The following TJP1 variants were observed in gnomAD, a reference collection of about 807,000 sequenced individuals.
TJP1 encodes the protein tight junction protein 1.
In TJP1, 43 loss-of-function variants were observed where a neutral mutation model predicts 194.2. The ratio of observed to expected loss-of-function variants is 0.22; its 90% CI spans 0.17 to 0.29. The LOEUF is 0.29. TJP1 is among the 10% of genes least tolerant of loss of function. TJP1 has a pLI of 1.00. For synonymous variants in TJP1, 801 were observed against 779.0 expected (o/e 1.03, Z -0.47); for missense variants, 1,971 against 2,185.7 (o/e 0.90, Z 1.96).
At position 29,855,925 on chromosome 15, in the gene TJP1, A is replaced by G. The variant is rs1033867570; in HGVS notation, c.307-55223T>C. 5.3e-5 allele frequency among the ~76,000 whole-genome samples: 8 copies of G among 152,192 alleles called. No homozygotes were observed. In the South Asian group the frequency reaches 8.3e-4, roughly 16 times the overall value. On this transcript the variant is annotated intron_variant, in intron 2 of 28. Coordinates refer to the TJP1 transcript ENST00000356107. ...TGATGACACGGTCTGCTAAATATTA[A>G]AACAGGACATAAAGGTACACTTATT... is the stretch of plus-strand genomic sequence containing the variant.
chr15:29,733,338 T>A, intron 12 of TJP1, 25 bp from the exon 13 acceptor site: 1 of 1,471,642 alleles, frequency 6.8e-7, no homozygotes, highest in Non-Finnish European at 9.4e-7. Flanking sequence ...AACAAACACA[T>A]TATCAATATT....
chr15:29,933,728 C>A (rs1403355), intron 2 of TJP1, among the ~76,000 whole-genome samples: 1 of 151,700 alleles, frequency 6.6e-6, no homozygotes, highest in Non-Finnish European at 1.5e-5. Flanking sequence ...CTTCTCTGGG[C>A]GAGAAGCCCA....
intron 9 of TJP1, among the ~76,000 whole-genome samples, chr15:29,742,224 C>G (rs2044469051): frequency 6.6e-6 from 1 of 151,500 alleles, no homozygotes; most frequent in Admixed American, 6.6e-5. Flanking sequence ...TGCACTCCAG[C>G]TGGGTGACAG....
intron 2 of TJP1, among the ~76,000 whole-genome samples, chr15:29,939,307 T>TG (rs1397171014): frequency 6.6e-6 from 1 of 152,174 alleles, no homozygotes; most frequent in African/African-American, 2.4e-5. Flanking sequence ...CTGTCAGTAC[T>TG]GGGGGCAAAG....
intron 2 of TJP1, among the ~76,000 whole-genome samples, chr15:29,858,887 T>C (rs2051964957): frequency 6.6e-6 from 1 of 152,068 alleles, no homozygotes; most frequent in Non-Finnish European, 1.5e-5. Flanking sequence ...GTTTTTTTGT[T>C]TTGCCATGTT....
chr15:29,922,672 G>A (rs1376007383), intron 2 of TJP1, among the ~76,000 whole-genome samples: 1 of 151,988 alleles, frequency 6.6e-6, no homozygotes, highest in Non-Finnish European at 1.5e-5. Context: ...CATTGAAGGT[G>A]GCATGTTTAA....
At chr15:29,761,821 T>C (rs189395965) in intron 6 of TJP1, 52 bp from the exon 7 acceptor site, 1 of 1,423,448 alleles carries the variant, frequency 7.0e-7, no homozygotes, top group East Asian at 2.4e-5. Context: ...AATACAAATG[T>C]TAACTTAGTT....
chr15:29,914,194 T>C (rs1460877740), intron 2 of TJP1, among the ~76,000 whole-genome samples: 1 of 152,234 alleles, frequency 6.6e-6, no homozygotes. Context: ...TTCGACTCAC[T>C]AGCATGGATT....
intron 2 of TJP1, among the ~76,000 whole-genome samples, chr15:29,867,636 G>A (rs1167371168): frequency 3.3e-5 from 5 of 152,186 alleles, no homozygotes; most frequent in Non-Finnish European, 7.3e-5. Flanking sequence ...GGCTGGGCAT[G>A]GTGGCTCATG....
intron 2 of TJP1, among the ~76,000 whole-genome samples, chr15:29,862,537 G>T (rs373251238): frequency 2.8e-4 from 43 of 152,182 alleles, no homozygotes; most frequent in African/African-American, 9.6e-4. Flanking sequence ...AAGATCTTAA[G>T]TTGAGGCAAA....
intron 2 of TJP1, among the ~76,000 whole-genome samples, chr15:29,916,970 C>A (rs1021389429): frequency 6.6e-6 from 1 of 152,152 alleles, no homozygotes; most frequent in African/African-American, 2.4e-5. Flanking sequence ...ACAGAACCCC[C>A]CCTCCACCAC....
chr15:29,850,949 C>A (rs967677141), intron 2 of TJP1, among the ~76,000 whole-genome samples: 11 of 152,014 alleles, frequency 7.2e-5, no homozygotes, highest in African/African-American at 2.7e-4. Flanking sequence ...ATCAGCCTGG[C>A]CAATATGGTG....
At chr15:29,792,243 C>A (rs967339094) in intron 2 of TJP1, among the ~76,000 whole-genome samples, 1 of 152,140 alleles carries the variant, frequency 6.6e-6, no homozygotes, top group Admixed American at 6.5e-5. Context: ...AGTCTCATAA[C>A]TTCAGGTGCT....
At chr15:29,840,871 C>T (rs183479246) in intron 2 of TJP1, among the ~76,000 whole-genome samples, 160 of 152,194 alleles carry the variant, frequency 1.1e-3, no homozygotes, top group Non-Finnish European at 3.8e-4. Flanking sequence ...AGAGCAAGGG[C>T]TAAGGGTACA....
At chr15:29,850,889 G>C (rs2051617679) in intron 2 of TJP1, among the ~76,000 whole-genome samples, 1 of 152,088 alleles carries the variant, frequency 6.6e-6, no homozygotes, top group Non-Finnish European at 1.5e-5. Flanking sequence ...TGTAATCCTA[G>C]CACTTTGGGA....
intron 2 of TJP1, among the ~76,000 whole-genome samples, chr15:29,893,137 T>C (rs1405083076): frequency 1.3e-5 from 2 of 152,088 alleles, no homozygotes; most frequent in Admixed American, 1.3e-4. Flanking sequence ...AATAGTTCAG[T>C]GGAGGAAGTA....
chr15:29,749,786 T>A (rs2045127148), intron 8 of TJP1, among the ~76,000 whole-genome samples: 1 of 152,172 alleles, frequency 6.6e-6, no homozygotes, highest in Admixed American at 6.5e-5. Context: ...GGGAGCCTCT[T>A]CCTTTGGCAC....
At chr15:29,876,508 G>A (rs953441088) in intron 2 of TJP1, among the ~76,000 whole-genome samples, 10 of 150,150 alleles carry the variant, frequency 6.7e-5, no homozygotes, top group Non-Finnish European at 1.2e-4. Context: ...GCAACAGAGT[G>A]AGACTCTGTC....
intron 15 of TJP1, among the ~76,000 whole-genome samples, chr15:29,731,626 G>C (rs1210351002): frequency 6.6e-6 from 1 of 152,170 alleles, no homozygotes; most frequent in Admixed American, 6.5e-5. Flanking sequence ...CCTGTTCAGA[G>C]CATCAGATGA....
Sources: allele counts gnomAD v4.1 joint callset (sites outside exome capture counted in the v4.1 genomes callset), GRCh38; gene constraint gnomAD v4.1.1; transcripts MANE v1.5; gene names NCBI Gene and HGNC (gene_info 2026-07-23, HGNC 2026-07-21).